Variants in NEIL3 observed in about 807,000 individuals in gnomAD.
NEIL3 encodes the protein nei like DNA glycosylase 3, also known as endonuclease 8-like 3.
Under a neutral mutation model 57.5 loss-of-function variants are expected in NEIL3, and 48 were observed. The ratio of observed to expected loss-of-function variants is 0.83; its 90% CI spans 0.66 to 1.06. The LOEUF is 1.06. Among genes scored for constraint, NEIL3 ranks in the 50% least tolerant of loss-of-function variants. The pLI, the probability that NEIL3 is intolerant of heterozygous loss-of-function variation, is 0.00. For synonymous variants in NEIL3, 261 were observed against 253.2 expected (o/e 1.03, Z -0.29); for missense variants, 717 against 739.1 (o/e 0.97, Z 0.35).
chr4:177,348,919 G>A (rs1029815051), intron 6 of NEIL3, among the ~76,000 whole-genome samples: 2 of 132,598 alleles, frequency 1.5e-5, no homozygotes, highest in African/African-American at 5.7e-5. Flanking sequence ...CCAGGCTGGA[G>A]TGCAGTGGCG....
intron 6 of NEIL3, among the ~76,000 whole-genome samples, chr4:177,344,593 C>T (rs916760914): frequency 6.6e-6 from 1 of 151,336 alleles, no homozygotes; most frequent in East Asian, 2.1e-4. Flanking sequence ...CGGAGTCTCA[C>T]TCTGATCACC....
Position 177,353,655 on chromosome 4 carries a change from G to A in NEIL3, c.1387G>A (p.Ala463Thr). The change falls in exon 8 of 10, where the codon GCA (alanine) becomes ACA (threonine). Residue 463 changes from alanine (A) to threonine (T), a missense_variant. By Grantham distance (58) the Ala-to-Thr change is moderately conservative. Coordinates refer to ENST00000264596, the MANE Select transcript of NEIL3 (RefSeq NM_018248.3). The part of the protein sequence containing the change: ...ISSESKLFSP[A>T]HKKPKTAQYS... Reference sequence around the variant, plus strand: ...TTCAGAATCTAAATTATTTAGTCCAGCACATAAAAAACCGAAAACAGCCCA... The same window carrying A: ...TTCAGAATCTAAATTATTTAGTCCAACACATAAAAAACCGAAAACAGCCCA... 2 of 1,613,484 alleles carry A rather than the reference G, an allele frequency of 1.2e-6. No individual in the cohort carries two copies. Among genetic ancestry groups the A allele is most frequent in the Non-Finnish European group, 1.7e-6 (2 of 1,179,778 alleles).
chr4:177,315,116 G>GT (rs1303012942), intron 1 of NEIL3, among the ~76,000 whole-genome samples: 26 of 151,700 alleles, frequency 1.7e-4, no homozygotes, highest in African/African-American at 5.8e-4. Flanking sequence ...GGGGAAAAGT[G>GT]TGTGAGGAAA....
At chr4:177,310,164 A>G (rs1393503668) in intron 1 of NEIL3, 55 bp downstream of exon 1, 1 of 1,452,252 alleles carries the variant, frequency 6.9e-7, no homozygotes, top group Non-Finnish European at 9.1e-7. Context: ...TGGAATAAAG[A>G]CCCCATCAGG....
intron 1 of NEIL3, among the ~76,000 whole-genome samples, chr4:177,317,812 G>C (rs1253376233): frequency 6.6e-6 from 1 of 151,720 alleles, no homozygotes; most frequent in Non-Finnish European, 1.5e-5. Flanking sequence ...GGTCAGTCTG[G>C]TCTCAAACTC....
At chr4:177,325,491 A>G (rs889817233) in intron 2 of NEIL3, among the ~76,000 whole-genome samples, 3 of 152,144 alleles carry the variant, frequency 2.0e-5, no homozygotes, top group Non-Finnish European at 4.4e-5. Flanking sequence ...AATATTGTGA[A>G]TAAAATTGCT....
rs753469403 is a variant in NEIL3, at chr4:177,310,055, T to A, written c.102T>A (p.Ser34Arg). 4 of 1,603,824 alleles carry A rather than the reference T, an allele frequency of 2.5e-6. No homozygotes were observed. The highest frequency in any genetic ancestry group is 2.3e-5 in the East Asian group (1 of 44,096). The change falls in exon 1 of 10, where the codon AGT becomes AGA. Residue 34 changes from serine (S) to arginine (R), a missense_variant. Coordinates refer to ENST00000264596, the MANE Select transcript of NEIL3 (RefSeq NM_018248.3). Reference protein sequence around the residue: ...VTGVRGSALRSLQGRALRLAA... With the variant: ...VTGVRGSALRRLQGRALRLAA... ...GCGTGCGGGGAAGCGCTCTGCGGAG[T>A]CTGCAGGGCCGCGCCTTGCGGCTCG... is the stretch of plus-strand genomic sequence containing the variant.
intron 2 of NEIL3, among the ~76,000 whole-genome samples, chr4:177,335,080 G>C (rs1209099938): frequency 6.6e-6 from 1 of 151,952 alleles, no homozygotes; most frequent in Non-Finnish European, 1.5e-5. Context: ...ATAGCATTTT[G>C]ACTTGTTCTC....
At chr4:177,364,914 G>A (rs1168306323), downstream of NEIL3, among the ~76,000 whole-genome samples, 1 of 147,168 alleles carries the variant, frequency 6.8e-6, no homozygotes, top group Non-Finnish European at 1.5e-5. Context: ...GTGACAGAGT[G>A]AGACTCTGTC....
Position 177,362,600 on chromosome 4 carries a change from C to CTT in NEIL3, c.*137_*138dup. The CTT allele has an allele frequency of 1.5e-6, 1 of 659,758 alleles. No individual in the cohort carries two copies. Among genetic ancestry groups the CTT allele is most frequent in the Non-Finnish European group, 2.4e-6 (1 of 422,266 alleles). 40.9% of individuals were successfully genotyped at this position (659,758 alleles called of 1,614,324 possible). A position where few individuals can be genotyped will look rare whatever the true frequency, so the allele number is the denominator to read the frequency against. On this transcript the variant is annotated 3_prime_UTR_variant, in exon 10 of 10. Coordinates refer to ENST00000264596, the MANE Select transcript of NEIL3 (RefSeq NM_018248.3). ...GTTACTGCAATATTTGAGAACTGTTCTTTTTTTTTCTTGTGTGTGCCATCT... is the reference window on the plus strand; with the variant it reads ...GTTACTGCAATATTTGAGAACTGTTCTTTTTTTTTTTCTTGTGTGTGCCATCT...
intron 2 of NEIL3, among the ~76,000 whole-genome samples, chr4:177,330,013 G>C (rs1156514285): frequency 2.6e-5 from 4 of 152,190 alleles, no homozygotes; most frequent in African/African-American, 7.2e-5. Context: ...CCGGGTTCAA[G>C]TGATTCTCCT....
intron 8 of NEIL3, 136 bp downstream of exon 8, chr4:177,353,864 C>A: frequency 1.4e-6 from 1 of 724,348 alleles, no homozygotes; most frequent in South Asian, 1.9e-5. Context: ...CTCCCGCGTT[C>A]AAGCGATTCT....
chr4:177,353,788 C>T (rs540356953), intron 8 of NEIL3, 60 bp downstream of exon 8: 160 of 1,291,184 alleles, frequency 1.2e-4, no homozygotes, highest in East Asian at 7.3e-4. Context: ...TTTTTTAAGA[C>T]GAGGTCTCAC....
At chr4:177,332,356 C>G (rs1035937458) in intron 2 of NEIL3, among the ~76,000 whole-genome samples, 1 of 152,118 alleles carries the variant, frequency 6.6e-6, no homozygotes, top group African/African-American at 2.4e-5. Context: ...GCCAGGGTAC[C>G]TTTGCTTGGG....
At chr4:177,335,591 G>C (rs1228987782) in intron 2 of NEIL3, 97 bp from the exon 3 acceptor site, 2 of 1,086,536 alleles carry the variant, frequency 1.8e-6, no homozygotes, top group Non-Finnish European at 2.7e-6. Context: ...ACTAACATTT[G>C]TTTGCTTATA....
chr4:177,349,855 G>A (rs1735315224), intron 6 of NEIL3, among the ~76,000 whole-genome samples: 1 of 152,276 alleles, frequency 6.6e-6, no homozygotes, highest in East Asian at 1.9e-4. Flanking sequence ...AATGAAAATA[G>A]GGAAAAGTTG....
chr4:177,362,490 C>G lies in NEIL3; in HGVS notation c.*19C>G. On this transcript the variant is annotated 3_prime_UTR_variant, in exon 10 of 10. Transcript: ENST00000264596. Reference sequence around the variant, plus strand: ...ATGCTAATATCTGTAGATTCTCTGGCATTTAGTCTCTTCAAACTGTGTATA... The same window carrying G: ...ATGCTAATATCTGTAGATTCTCTGGGATTTAGTCTCTTCAAACTGTGTATA... 6.3e-7 allele frequency: 1 copy of G among 1,580,104 alleles called. No individual in the cohort carries two copies. The highest frequency in any genetic ancestry group is 2.2e-5 in the East Asian group (1 of 44,640).
intron 8 of NEIL3, among the ~76,000 whole-genome samples, chr4:177,359,682 C>T (rs1229727189): frequency 6.6e-6 from 1 of 152,048 alleles, no homozygotes; most frequent in Non-Finnish European, 1.5e-5. Flanking sequence ...AATGTGAACA[C>T]TTTCTCTTCA....
rs1735413642 is a variant in NEIL3 at position 177,353,713 on chromosome 4, C to T, written c.1445C>T (p.Pro482Leu). Reference sequence around the variant, plus strand: ...TCACCAGAGCTTAAAAGCTGCAACCCTGGATATTCTAACAGGTATGATGCT... The same window carrying T: ...TCACCAGAGCTTAAAAGCTGCAACCTTGGATATTCTAACAGGTATGATGCT... ...YSSPELKSCN[P>L]GYSNSELQIN... Residue 482 changes from proline (P) to leucine (L), a missense_variant, in exon 8 of 10, where the codon CCT becomes CTT. Physicochemically the swap from Pro to Leu is moderately conservative, Grantham distance 98 (BLOSUM62 -3). Transcript: ENST00000264596. 6.2e-7 allele frequency: 1 copy of T among 1,611,086 alleles called. No homozygotes were observed. Among genetic ancestry groups the T allele is most frequent in the South Asian group, 1.1e-5 (1 of 90,742 alleles).
Sources: allele counts gnomAD v4.1 joint callset (sites outside exome capture counted in the v4.1 genomes callset), GRCh38; gene constraint gnomAD v4.1.1; transcripts MANE v1.5; gene names NCBI Gene and HGNC (gene_info 2026-07-23, HGNC 2026-07-21).